IYD: variants seen among roughly 807,000 people sequenced by gnomAD.
IYD encodes the protein iodotyrosine deiodinase 1.
Under a neutral mutation model 28.4 loss-of-function variants are expected in IYD, and 25 were observed. The observed-to-expected ratio is 0.88, with a 90% CI of 0.64 to 1.23. The LOEUF (loss-of-function observed/expected upper bound fraction) is 1.23. Among genes scored for constraint, IYD ranks in the 50% most tolerant of loss-of-function variants. IYD has a pLI of 0.00. For missense variants in IYD, 352 were observed against 357.9 expected (o/e 0.98, Z 0.13); for synonymous variants, 140 against 130.8 (o/e 1.07, Z -0.48).
Position 150,403,902 on chromosome 6 carries a change from T to C in IYD, c.*5665T>C, listed in dbSNP as rs1778578008. On this transcript the variant is annotated 3_prime_UTR_variant, in exon 5 of 5. Transcript: ENST00000344419. Reference sequence around the variant, plus strand: ...AAGCCAATGAGATCATAAAGGAAGTTGTTAGCTAACCTAGGTGGAGTCGCC... The same window carrying C: ...AAGCCAATGAGATCATAAAGGAAGTCGTTAGCTAACCTAGGTGGAGTCGCC... 1 of 152,216 alleles carries C rather than the reference T, an allele frequency of 6.6e-6. No homozygotes were observed. Among genetic ancestry groups the C allele is most frequent in the South Asian group, 2.1e-4 (1 of 4,834 alleles). 9.4% of individuals were successfully genotyped at this position (152,216 alleles called of 1,614,324 possible).
Sources: allele counts gnomAD v4.1 joint callset, GRCh38; gene constraint gnomAD v4.1.1; transcripts MANE v1.5; gene names NCBI Gene and HGNC (gene_info 2026-07-23, HGNC 2026-07-21).